The following EDRF1 variants were observed in gnomAD, a reference collection of about 807,000 sequenced individuals.
EDRF1 encodes the protein erythroid differentiation regulatory factor 1.
A neutral mutation model predicts 148.7 loss-of-function variants in EDRF1; 69 were observed. That is an observed-to-expected ratio of 0.46 (90% CI 0.38 to 0.57). The LOEUF is 0.57. Ranked by LOEUF, EDRF1 falls within the 20% of genes least tolerant of loss-of-function variation. The pLI, the probability that EDRF1 is intolerant of heterozygous loss-of-function variation, is 0.00. For missense variants in EDRF1, 1,118 were observed against 1,478.7 expected, an observed-to-expected ratio of 0.76 and a Z score of 4.00; for synonymous variants, 515 against 532.8, an observed-to-expected ratio of 0.97 and a Z score of 0.46.
chr10:125,757,733 G>A (rs1014375117), intron 24 of EDRF1, among the ~76,000 whole-genome samples: 3 of 152,176 alleles, frequency 2.0e-5, no homozygotes, highest in Non-Finnish European at 4.4e-5. Flanking sequence ...TTTTCATTCA[G>A]TACTTTAAAG....
chr10:125,742,267 C>G, intron 17 of EDRF1: 1 of 1,289,282 alleles, frequency 7.8e-7, no homozygotes, highest in Non-Finnish European at 1.0e-6. Context: ...CAGCGATATC[C>G]CTCCCTCTTA....
chr10:125,735,016 T>G (rs1848657476), intron 12 of EDRF1, among the ~76,000 whole-genome samples: 1 of 152,180 alleles, frequency 6.6e-6, no homozygotes. Context: ...AATACCTAAT[T>G]GCTGACTGAG....
chr10:125,760,707 T>A (rs1589883429), intron 24 of EDRF1, among the ~76,000 whole-genome samples: 1 of 152,184 alleles, frequency 6.6e-6, no homozygotes, highest in Non-Finnish European at 1.5e-5. Context: ...CATTCTCTTT[T>A]GCAATATAGA....
chr10:125,759,415 G>A (rs548364086), intron 24 of EDRF1, among the ~76,000 whole-genome samples: 4 of 152,222 alleles, frequency 2.6e-5, no homozygotes, highest in Non-Finnish European at 4.4e-5. Context: ...AGTTTGCCCT[G>A]CTTGAGCCAG....
At chr10:125,720,531 C>G (rs1041877340) in intron 1 of EDRF1, among the ~76,000 whole-genome samples, 2 of 152,132 alleles carry the variant, frequency 1.3e-5, no homozygotes, top group Non-Finnish European at 2.9e-5. Flanking sequence ...CATCTTTGGC[C>G]GGGCGCGGTG....
Position 125,743,208 on chromosome 10 carries a change from G to A in EDRF1, c.2522G>A (p.Gly841Asp), listed in dbSNP as rs1356240065. The A allele has an allele frequency of 6.2e-7, 1 of 1,613,728 alleles. No individual in the cohort carries two copies. The highest frequency in any genetic ancestry group is 8.5e-7 in the Non-Finnish European group (1 of 1,179,898). ...TATGTACAAGTATTAAAGAGAATGG[G>A]TAACATTAGAAATGAAATTGGTGTG... The part of the protein sequence containing the change: ...EHYVQVLKRM[G>D]NIRNEIGVFY... Residue 841 changes from glycine to aspartate, a missense_variant, in exon 18 of 25, where the codon GGT (glycine) becomes GAT (aspartate). Physicochemically the swap from Gly to Asp is moderately conservative, Grantham distance 94. Around this residue, in one of 3 missense-constraint regions of EDRF1, gnomAD observed 954 missense variants for 1,241.4 expected, o/e 0.77. Transcript: ENST00000356792.
chr10:125,736,211 C>T (rs372121720), intron 13 of EDRF1, among the ~76,000 whole-genome samples: 3 of 152,028 alleles, frequency 2.0e-5, no homozygotes, highest in Non-Finnish European at 2.9e-5. Context: ...CACTTCTATC[C>T]GGTGTTGGGG....
At chr10:125,738,941 C>T (rs760909091) in intron 15 of EDRF1, among the ~76,000 whole-genome samples, 1 of 152,158 alleles carries the variant, frequency 6.6e-6, no homozygotes, top group Non-Finnish European at 1.5e-5. Context: ...GCTGTTGTTA[C>T]TGCACAGTAC....
rs745989426 is a variant in EDRF1, at chr10:125,729,325, G to A, written c.895-33G>A. 4.3e-6 allele frequency: 7 copies of A among 1,609,388 alleles called. No homozygotes were observed. The South Asian group carries it at 6.6e-5, about 15-fold the overall frequency. ...CATGGGGGGAAATTACAGATTGACT[G>A]TTTATTATAATCCTCCCTATTTTAA... On this transcript the variant is annotated intron_variant, in intron 7 of 24. Transcript: ENST00000356792.
At chr10:125,720,142 G>A (rs1847913228) in intron 1 of EDRF1, among the ~76,000 whole-genome samples, 1 of 152,230 alleles carries the variant, frequency 6.6e-6, no homozygotes, top group African/African-American at 2.4e-5. Context: ...CTCAAGGAGG[G>A]TACATGTAAA....
intron 24 of EDRF1, among the ~76,000 whole-genome samples, chr10:125,761,844 T>G (rs545625389): frequency 1.3e-5 from 2 of 152,352 alleles, no homozygotes; most frequent in South Asian, 4.1e-4. Flanking sequence ...AAAGAATAAG[T>G]CATCTTTCAA....
intron 1 of EDRF1, 130 bp from the exon 2 acceptor site, chr10:125,721,074 T>C: frequency 1.2e-6 from 1 of 838,952 alleles, no homozygotes; most frequent in Admixed American, 2.0e-5. Flanking sequence ...ATTTATTAAG[T>C]GCTGTTAGTA....
In EDRF1 at chr10:125,747,963, C is replaced by G; in HGVS notation, c.3074C>G (p.Thr1025Ser). 6.2e-7 allele frequency: 1 copy of G among 1,614,226 alleles called. No individual in the cohort carries two copies. Residue 1025 changes from threonine to serine, a missense_variant, in exon 21 of 25, where the codon ACC becomes AGC. This residue lies in a region of EDRF1 where 954 missense variants were observed against 1,241.4 expected (regional missense o/e 0.77). Transcript: ENST00000356792. Reference sequence around the variant, plus strand: ...CCCCTTTGTCAGTATCGAGCTGCAACCATCCATCACAGGCTGGCCTCCATG... The same window carrying G: ...CCCCTTTGTCAGTATCGAGCTGCAAGCATCCATCACAGGCTGGCCTCCATG... ...RQPLCQYRAA[T>S]IHHRLASMYH... is the part of the protein sequence containing the mutation.
intron 19 of EDRF1, chr10:125,747,106 T>G: frequency 6.1e-6 from 1 of 164,294 alleles, no homozygotes. Context: ...GGTTTCAATA[T>G]AATGGCCATG....
At chr10:125,725,956 A>C in intron 6 of EDRF1, 118 bp downstream of exon 6, 1 of 1,161,086 alleles carries the variant, frequency 8.6e-7, no homozygotes, top group Middle Eastern at 2.6e-4. Context: ...AGCTTATGGA[A>C]TGGGGGAAAA....
chr10:125,751,535 A>G (rs1324492982), intron 22 of EDRF1, among the ~76,000 whole-genome samples: 1 of 151,994 alleles, frequency 6.6e-6, no homozygotes, highest in Non-Finnish European at 1.5e-5. Flanking sequence ...TGCCAAATCT[A>G]TGCTGAAATC....
rs774612696 is a variant in EDRF1 at position 125,719,837 on chromosome 10, G to A, written c.30G>A (p.Glu10=). ...GGGATGCCAAGGAGGCCGGAGCCGA[G>A]GGTCCGCCGGCCGGGGCCGCCGCTC... is the stretch of plus-strand genomic sequence containing the variant. MGDAKEAGA[E]GPPAGAAARG... is the part of the protein sequence containing the mutation. The change falls in exon 1 of 25, where the codon GAG becomes GAA. Residue 10 remains glutamate (E), a synonymous_variant. Transcript: ENST00000356792. 23 of 1,612,212 alleles carry A rather than the reference G, an allele frequency of 1.4e-5. No homozygotes were observed. The South Asian group carries it at 1.6e-4, about 12-fold the overall frequency.
intron 17 of EDRF1, chr10:125,742,540 GT>G: frequency 1.0e-6 from 1 of 985,338 alleles, no homozygotes; most frequent in Non-Finnish European, 1.2e-6. Flanking sequence ...AAATAATCAT[GT>G]TTTAATGTAG....
At position 125,723,888 on chromosome 10, in the gene EDRF1, C is replaced by T; in HGVS notation, c.462C>T (p.Leu154=). ...CAGTACACCGCATAGGAAGGACTCT[C>T]TTACTAGATGAGCTAGATATTCAAG... ...SMAVHRIGRT[L]LLDELDIQEL... Residue 154 remains leucine (L), a synonymous_variant, in exon 4 of 25, where the codon CTC becomes CTT. Coordinates refer to ENST00000356792, the MANE Select transcript of EDRF1 (RefSeq NM_001202438.2). The T allele has an allele frequency of 6.2e-7, 1 of 1,613,670 alleles. No homozygotes were observed. Among genetic ancestry groups the T allele is most frequent in the Non-Finnish European group, 8.5e-7 (1 of 1,179,710 alleles).
Sources: allele counts gnomAD v4.1 joint callset (sites outside exome capture counted in the v4.1 genomes callset), GRCh38; gene constraint gnomAD v4.1.1; regional missense constraint gnomAD v4.1.1; transcripts MANE v1.5; gene names NCBI Gene and HGNC (gene_info 2026-07-23, HGNC 2026-07-21).